The following ERN1 variants were observed in gnomAD, a reference collection of about 807,000 sequenced individuals.
ERN1 encodes serine/threonine-protein kinase/endoribonuclease IRE1.
In ERN1, 39 loss-of-function variants were observed where a neutral mutation model predicts 113.1. That is an observed-to-expected ratio of 0.34 (90% CI 0.27 to 0.45). The LOEUF (loss-of-function observed/expected upper bound fraction) is 0.45, where lower values mean the gene tolerates loss of function less well. Among genes scored for constraint, ERN1 ranks in the 20% least tolerant of loss-of-function variants. The pLI is 1.00. For missense variants in ERN1, 976 were observed against 1,274.8 expected, an observed-to-expected ratio of 0.77 and a Z score of 3.57; for synonymous variants, 507 against 515.9, an observed-to-expected ratio of 0.98 and a Z score of 0.23.
At chr17:64,124,025 T>C (rs1197580065) in intron 1 of ERN1, among the ~76,000 whole-genome samples, 2 of 152,120 alleles carry the variant, frequency 1.3e-5, no homozygotes, top group East Asian at 1.9e-4. Context: ...ATTAGAGAAA[T>C]GCAAATCAAA....
At chr17:64,105,849 G>C (rs1914511571) in intron 1 of ERN1, among the ~76,000 whole-genome samples, 2 of 152,018 alleles carry the variant, frequency 1.3e-5, no homozygotes, top group Admixed American at 1.3e-4. Context: ...CAGCTACTTG[G>C]GAAGCTGAGG....
chr17:64,130,077 G>A lies in ERN1; in HGVS notation c.-48C>T, dbSNP rs1012346841. 27 of 1,331,530 alleles carry A rather than the reference G, an allele frequency of 2.0e-5. No individual in the cohort carries two copies. The highest frequency in any genetic ancestry group is 2.5e-5 in the Non-Finnish European group (26 of 1,043,940). 82.5% of individuals were successfully genotyped at this position (1,331,530 alleles called of 1,614,324 possible). A position where few individuals can be genotyped will look rare whatever the true frequency, so the allele number is the denominator to read the frequency against. The stretch of plus-strand genomic sequence containing the variant: ...CGGGGGCGGTACGGACAGAGGACGG[G>A]GCGGGGGCGCCGCGACGACAGCGAG... On this transcript the variant is annotated 5_prime_UTR_variant, in exon 1 of 22. Coordinates refer to ENST00000433197, the MANE Select transcript of ERN1 (RefSeq NM_001433.5). This position sits in a 1 kb window ranked among gnomAD's most constrained non-coding sequence, Gnocchi z 4.0.
chr17:64,106,891 A>G (rs1473952715), intron 1 of ERN1, among the ~76,000 whole-genome samples: 1 of 152,176 alleles, frequency 6.6e-6, no homozygotes, highest in Non-Finnish European at 1.5e-5. Flanking sequence ...TCAAAATGGT[A>G]TTCTATAACA....
chr17:64,112,514 G>T (rs1248495758), intron 1 of ERN1, among the ~76,000 whole-genome samples: 1 of 152,182 alleles, frequency 6.6e-6, no homozygotes, highest in Admixed American at 6.5e-5. Flanking sequence ...CGATTCAATA[G>T]ATACTTGTTA....
At chr17:64,060,628 G>A (rs775451408) in intron 10 of ERN1, 41 bp from the exon 11 acceptor site, 18 of 1,447,912 alleles carry the variant, frequency 1.2e-5, no homozygotes, top group South Asian at 2.3e-5. Context: ...ACAATTTCCC[G>A]AGCTGTGGTG....
rs559597413 is a variant in ERN1 at position 64,054,552 on chromosome 17, C to T, written c.1764-113G>A. 1.7e-5 allele frequency: 19 copies of T among 1,147,130 alleles called. No homozygotes were observed. The highest frequency in any genetic ancestry group is 1.2e-4 in the South Asian group (8 of 64,652). The allele number at this position is 1,147,130 out of a possible 1,614,324, so 71.1% of individuals were successfully genotyped here. ...TACTGCCTCCCAGCCTAGAGAGCCC[C>T]GCCTGACTGCCTGGTGGCCCCGGAA... On this transcript the variant is annotated intron_variant, in intron 14 of 21. Coordinates refer to ENST00000433197, the MANE Select transcript of ERN1 (RefSeq NM_001433.5). The surrounding 1 kb of genome is among the most constrained non-coding windows in gnomAD (Gnocchi z 4.9).
At chr17:64,050,279 C>T (rs986234286) in intron 17 of ERN1, among the ~76,000 whole-genome samples, 1 of 152,154 alleles carries the variant, frequency 6.6e-6, no homozygotes, top group Non-Finnish European at 1.5e-5. Context: ...ACTCCCAGAG[C>T]TCTCTGGGTC....
intron 1 of ERN1, chr17:64,098,613 A>C: frequency 1.9e-6 from 1 of 531,404 alleles, no homozygotes; most frequent in Non-Finnish European, 3.7e-6. Flanking sequence ...TATGATAAAA[A>C]AGAATGCCAA....
chr17:64,080,955 T>C (rs1459827499), intron 2 of ERN1, 147 bp from the exon 3 acceptor site: 2 of 676,918 alleles, frequency 3.0e-6, no homozygotes, highest in Non-Finnish European at 5.2e-6. Flanking sequence ...GAAGGTTATA[T>C]GCATTTTTGT....
rs768376082 is a variant in ERN1, at chr17:64,064,028, T to C, written c.1045A>G (p.Lys349Glu). Residue 349 changes from lysine (K) to glutamate (E), a missense_variant, in exon 10 of 22, where the codon AAG (lysine) becomes GAG (glutamate). Lys to Glu is a moderately conservative substitution (Grantham distance 56). Transcript: ENST00000433197. Reference sequence around the variant, plus strand: ...TTCCTCAAGTAGTTGAGCTTGTTCTTGCTTTTGAGTCCGGGATCAAACTTG... The same window carrying C: ...TTCCTCAAGTAGTTGAGCTTGTTCTCGCTTTTGAGTCCGGGATCAAACTTG... ...DVKFDPGLKS[K>E]NKLNYLRNYW... The C allele has an allele frequency of 6.2e-7, 1 of 1,614,022 alleles. No homozygotes were observed. Among genetic ancestry groups the C allele is most frequent in the Non-Finnish European group, 8.5e-7 (1 of 1,179,886 alleles).
At chr17:64,086,637 CTTTT>C (rs773655917) in intron 2 of ERN1, among the ~76,000 whole-genome samples, 4 of 47,582 alleles carry the variant, frequency 8.4e-5, no homozygotes, top group African/African-American at 2.4e-4. Context: ...CTTTTCTTTC[CTTTT>C]TTTTTTTTTT....
chr17:64,063,995 GC>G lies in ERN1; in HGVS notation c.1077del (p.Trp359CysfsTer3). ...GGAGACCTGCTCTTACCTATCAGAA[GC>G]CAGTAATTCCTCAAGTAGTTGAGCT... ...KNKLNYLRNY[W>X]LLIGHHETPL... On this transcript the variant is annotated frameshift_variant, in exon 10 of 22. Coordinates refer to ENST00000433197, the MANE Select transcript of ERN1 (RefSeq NM_001433.5). LOFTEE classifies it high-confidence loss of function. This position sits in a 1 kb window ranked among gnomAD's most constrained non-coding sequence, Gnocchi z 5.1. The G allele has an allele frequency of 6.2e-7, 1 of 1,613,946 alleles. No homozygotes were observed. Among genetic ancestry groups the G allele is most frequent in the Non-Finnish European group, 8.5e-7 (1 of 1,179,852 alleles).
chr17:64,065,957 C>T (rs1598055302), intron 8 of ERN1, among the ~76,000 whole-genome samples: 1 of 152,174 alleles, frequency 6.6e-6, no homozygotes, highest in East Asian at 1.9e-4. Flanking sequence ...ATTATCTAAA[C>T]CTCTCTCAAC....
intron 1 of ERN1, among the ~76,000 whole-genome samples, chr17:64,111,079 G>A (rs554556349): frequency 6.6e-6 from 1 of 152,278 alleles, no homozygotes; most frequent in South Asian, 2.1e-4. Context: ...GAACTCCCTC[G>A]TGAAAAGGGA....
intron 2 of ERN1, among the ~76,000 whole-genome samples, chr17:64,086,388 T>C (rs1469474136): frequency 6.6e-6 from 1 of 152,188 alleles, no homozygotes; most frequent in Non-Finnish European, 1.5e-5. Flanking sequence ...CATTTGTGCC[T>C]GGCCTCTTTA....
rs1912418721 is a variant in ERN1, at chr17:64,043,930, G to A, written c.*58C>T. On this transcript the variant is annotated 3_prime_UTR_variant, in exon 22 of 22. Coordinates refer to ENST00000433197, the MANE Select transcript of ERN1 (RefSeq NM_001433.5). The stretch of plus-strand genomic sequence containing the variant: ...AGCCGGGAGGCATCAAGCTCTAATT[G>A]TGGTGACCAGGCCCTCAGTCACAGC... 8.2e-7 allele frequency: 1 copy of A among 1,215,756 alleles called. No individual in the cohort carries two copies. The highest frequency in any genetic ancestry group is 1.5e-5 in the African/African-American group (1 of 66,032). The allele number at this position is 1,215,756 out of a possible 1,614,324, so 75.3% of individuals were successfully genotyped here. A position where few individuals can be genotyped will look rare whatever the true frequency, so the allele number is the denominator to read the frequency against.
intron 18 of ERN1, among the ~76,000 whole-genome samples, chr17:64,048,672 C>A (rs1254404868): frequency 2.0e-5 from 3 of 152,108 alleles, no homozygotes; most frequent in African/African-American, 4.8e-5. Context: ...GCACAGACTG[C>A]ACCTACTGAC....
chr17:64,101,046 TTC>T (rs1914369632), intron 1 of ERN1, among the ~76,000 whole-genome samples: 1 of 152,204 alleles, frequency 6.6e-6, no homozygotes, highest in Non-Finnish European at 1.5e-5. Context: ...AGAATTAGGT[TTC>T]TGTCACTTGC....
intron 2 of ERN1, among the ~76,000 whole-genome samples, chr17:64,088,187 G>A (rs920700297): frequency 2.0e-5 from 3 of 152,074 alleles, no homozygotes; most frequent in Non-Finnish European, 4.4e-5. Flanking sequence ...AGATGAGCAC[G>A]GATATTTCTG....
Sources: gnomAD v4.1 joint callset for allele counts (sites outside exome capture counted in the v4.1 genomes callset) on GRCh38, gnomAD v4.1.1 for gene constraint, Gnocchi (gnomAD v3.1) non-coding constraint, MANE v1.5 for transcripts, NCBI Gene and HGNC (gene_info 2026-07-23, HGNC 2026-07-21) for gene names.